The following LRMDA variants were observed in gnomAD, a reference collection of about 807,000 sequenced individuals.
The protein encoded by LRMDA is leucine-rich melanocyte differentiation-associated protein.
Under a neutral mutation model 29.8 loss-of-function variants are expected in LRMDA, and 18 were observed. The ratio of observed to expected loss-of-function variants is 0.60; its 90% CI spans 0.42 to 0.90. The LOEUF is 0.90. Ranked by LOEUF, LRMDA falls within the 40% of genes least tolerant of loss-of-function variation. LRMDA has a pLI of 0.00. For synonymous variants in LRMDA, 125 were observed against 109.4 expected, an observed-to-expected ratio of 1.14 and a Z score of -0.89; for missense variants, 273 against 273.9, an observed-to-expected ratio of 1.00 and a Z score of 0.02.
intron 6 of LRMDA, among the ~76,000 whole-genome samples, chr10:76,394,458 A>C (rs1021268823): frequency 2.0e-5 from 3 of 152,190 alleles, no homozygotes; most frequent in Admixed American, 2.0e-4. Context: ...GACCTTATAA[A>C]GATTCTTCAC....
intron 6 of LRMDA, among the ~76,000 whole-genome samples, chr10:76,490,104 A>G (rs1842818235): frequency 6.6e-6 from 1 of 152,002 alleles, no homozygotes; most frequent in African/African-American, 2.4e-5. Context: ...TATAGTTTCT[A>G]TAATTCTTCT....
intron 6 of LRMDA, among the ~76,000 whole-genome samples, chr10:76,376,912 G>GTCTCGCTC: frequency 1.1e-5 from 1 of 87,172 alleles, no homozygotes; most frequent in Non-Finnish European, 2.1e-5. Flanking sequence ...TTGAGACGTA[G>GTCTCGCTC]TCTCGCTCTG....
intron 5 of LRMDA, among the ~76,000 whole-genome samples, chr10:76,194,376 T>C (rs890541503): frequency 1.3e-5 from 2 of 152,302 alleles, no homozygotes; most frequent in Non-Finnish European, 2.9e-5. Context: ...TTTTTTGTCA[T>C]GGGGCAGTCA....
intron 2 of LRMDA, among the ~76,000 whole-genome samples, chr10:75,847,485 CA>C (rs1377356819): frequency 2.0e-5 from 3 of 151,986 alleles, no homozygotes; most frequent in Non-Finnish European, 4.4e-5. Flanking sequence ...GCACAGGCAA[CA>C]AAAACAAAAA....
intron 2 of LRMDA, among the ~76,000 whole-genome samples, chr10:75,823,757 TACAC>T (rs796189481): frequency 6.8e-6 from 1 of 147,314 alleles, no homozygotes. Context: ...CCTACTTACA[TACAC>T]ACACACACAC....
At chr10:75,442,069 G>A (rs1474380381) in intron 2 of LRMDA, among the ~76,000 whole-genome samples, 1 of 152,136 alleles carries the variant, frequency 6.6e-6, no homozygotes, top group Non-Finnish European at 1.5e-5. Flanking sequence ...CAGTTTTTGT[G>A]TCATCTTCCA....
intron 5 of LRMDA, among the ~76,000 whole-genome samples, chr10:76,205,555 A>T (rs186689347): frequency 1.8e-3 from 281 of 152,326 alleles, no homozygotes; most frequent in Non-Finnish European, 3.0e-3. Context: ...CAGATGTCTC[A>T]TTCACATTCC....
In LRMDA at chr10:75,593,081, G is replaced by A. The variant is rs545994282; in HGVS notation, c.131+154587G>A. Among the ~76,000 whole-genome samples the A allele has an allele frequency of 5.3e-5, 8 of 152,214 alleles. No homozygotes were observed. The South Asian group carries it at 1.5e-3, about 28-fold the overall frequency. On this transcript the variant is annotated intron_variant, in intron 2 of 6. Coordinates refer to ENST00000611255, the MANE Select transcript of LRMDA (RefSeq NM_001305581.2). ...ACTTTGAAACACATTGTCAAAAAAC[G>A]GAATGATGTCATGCGGAAAAGAGTC...
chr10:76,368,580 T>C (rs1841418924), intron 6 of LRMDA, among the ~76,000 whole-genome samples: 1 of 152,194 alleles, frequency 6.6e-6, no homozygotes. Flanking sequence ...ATTGTGTGGT[T>C]GTTGGGTGAA....
At chr10:76,411,933 A>G (rs1841965659) in intron 6 of LRMDA, among the ~76,000 whole-genome samples, 1 of 152,230 alleles carries the variant, frequency 6.6e-6, no homozygotes, top group Non-Finnish European at 1.5e-5. Flanking sequence ...CTTGGTGAGA[A>G]ATCCACTGAG....
At chr10:75,914,983 A>C (rs1263066495) in intron 2 of LRMDA, among the ~76,000 whole-genome samples, 2 of 152,168 alleles carry the variant, frequency 1.3e-5, no homozygotes, top group South Asian at 2.1e-4. Flanking sequence ...GGCCCATTGA[A>C]GAACCAGGTT....
intron 5 of LRMDA, among the ~76,000 whole-genome samples, chr10:76,257,336 C>CTTT (rs35378191): frequency 2.1e-5 from 3 of 142,158 alleles, no homozygotes; most frequent in African/African-American, 5.2e-5. Context: ...TTTTCTTTTT[C>CTTT]TTTTTTTTTT....
At chr10:76,320,923 C>T (rs1840763129) in intron 5 of LRMDA, among the ~76,000 whole-genome samples, 2 of 152,126 alleles carry the variant, frequency 1.3e-5, no homozygotes, top group Admixed American at 6.5e-5. Flanking sequence ...TTTTATATTT[C>T]CATAAATATT....
chr10:76,032,795 C>T (rs577834374), intron 2 of LRMDA, among the ~76,000 whole-genome samples: 1 of 152,296 alleles, frequency 6.6e-6, no homozygotes, highest in South Asian at 2.1e-4. Context: ...GAACCTTGCT[C>T]TCTCCTATCA....
At chr10:75,694,745 T>C (rs1436114101) in intron 2 of LRMDA, among the ~76,000 whole-genome samples, 3 of 152,158 alleles carry the variant, frequency 2.0e-5, no homozygotes, top group Non-Finnish European at 4.4e-5. Context: ...AAATATCGGC[T>C]GTATATGGAG....
intron 2 of LRMDA, among the ~76,000 whole-genome samples, chr10:75,636,557 T>G (rs1216227226): frequency 6.6e-6 from 1 of 152,208 alleles, no homozygotes. Context: ...TCATTTTTTT[T>G]CATGAGATGT....
chr10:76,524,420 T>C (rs546027005), intron 6 of LRMDA, among the ~76,000 whole-genome samples: 15 of 152,360 alleles, frequency 9.8e-5, no homozygotes, highest in African/African-American at 3.6e-4. Flanking sequence ...CTAATGTTGC[T>C]GTAAAATGGT....
intron 2 of LRMDA, among the ~76,000 whole-genome samples, chr10:75,994,684 C>T (rs900389207): frequency 6.6e-6 from 1 of 152,212 alleles, no homozygotes; most frequent in African/African-American, 2.4e-5. Flanking sequence ...GCTGTTCTAC[C>T]TATAAGGCCA....
chr10:75,868,990 G>C (rs758410889), intron 2 of LRMDA, among the ~76,000 whole-genome samples: 1 of 152,208 alleles, frequency 6.6e-6, no homozygotes, highest in East Asian at 1.9e-4. Context: ...GGAGGTCACA[G>C]GTAAGGCAAG....
Sources: allele counts gnomAD v4.1 joint callset (sites outside exome capture counted in the v4.1 genomes callset), GRCh38; gene constraint gnomAD v4.1.1; transcripts MANE v1.5; gene names NCBI Gene and HGNC (gene_info 2026-07-23, HGNC 2026-07-21).